LRRC47: variants seen among roughly 807,000 people sequenced by gnomAD.
The protein encoded by LRRC47 is leucine-rich repeat-containing protein 47.
A neutral mutation model predicts 40.9 loss-of-function variants in LRRC47; 31 were observed. The observed-to-expected ratio is 0.76, with a 90% CI of 0.57 to 1.02. The LOEUF (loss-of-function observed/expected upper bound fraction) is 1.02. LRRC47 is among the 50% of genes least tolerant of loss of function. LRRC47 has a pLI of 0.00. For missense variants in LRRC47, 726 were observed against 796.1 expected (o/e 0.91, Z 1.06); for synonymous variants, 427 against 371.9 (o/e 1.15, Z -1.70).
At chr1:3,786,405 C>T (rs973489894) in intron 2 of LRRC47, among the ~76,000 whole-genome samples, 4 of 152,044 alleles carry the variant, frequency 2.6e-5, no homozygotes, top group Non-Finnish European at 5.9e-5. Flanking sequence ...CAGGCTGAGG[C>T]AGGAGAATCA....
chr1:3,791,861 A>C (rs1570741091), intron 1 of LRRC47, among the ~76,000 whole-genome samples: 1 of 151,376 alleles, frequency 6.6e-6, no homozygotes, highest in Non-Finnish European at 1.5e-5. Context: ...TTAAGCGTTC[A>C]CCCCACCTCA....
rs778937739 is a variant in LRRC47 at position 3,781,329 on chromosome 1, G to A, written c.1511C>T (p.Ala504Val). 1.2e-6 allele frequency: 2 copies of A among 1,611,326 alleles called. No individual in the cohort carries two copies. The highest frequency in any genetic ancestry group is 1.7e-6 in the Non-Finnish European group (2 of 1,177,938). Residue 504 changes from alanine to valine, a missense_variant, in exon 7 of 7, where the codon GCA becomes GTA. Coordinates refer to ENST00000378251, the MANE Select transcript of LRRC47 (RefSeq NM_020710.3). ...TTCTAAAGTGTACTTTTTCATTTCT[G>A]CCATTTTCTGCAAATAAAAAATACC... ...DVMDALILKM[A>V]EMKKYTLENK... is the part of the protein sequence containing the mutation.
chr1:3,782,583 C>A, intron 5 of LRRC47, 78 bp downstream of exon 5: 1 of 889,666 alleles, frequency 1.1e-6, no homozygotes, highest in Non-Finnish European at 1.9e-6. Flanking sequence ...TGTTGAGCCA[C>A]CACGCCCCGC....
At chr1:3,782,925 G>A (rs914857906) in intron 4 of LRRC47, 162 bp from the exon 5 acceptor site, 8 of 611,774 alleles carry the variant, frequency 1.3e-5, no homozygotes, top group African/African-American at 3.7e-5. Context: ...GAGTGTCTAC[G>A]CTAAGTCTGT....
In LRRC47 at chr1:3,796,188, G is replaced by A; in HGVS notation, c.289C>T (p.Pro97Ser). 7.0e-7 allele frequency: 1 copy of A among 1,437,052 alleles called. No homozygotes were observed. Among genetic ancestry groups the A allele is most frequent in the Admixed American group, 2.8e-5 (1 of 35,628 alleles). 89.0% of individuals were successfully genotyped at this position (1,437,052 alleles called of 1,614,324 possible). A position where few individuals can be genotyped will look rare whatever the true frequency, so the allele number is the denominator to read the frequency against. Residue 97 changes from proline to serine, a missense_variant, in exon 1 of 7, where the codon CCG becomes TCG. Physicochemically the swap from Pro to Ser is moderately conservative, Grantham distance 74. Transcript: ENST00000378251. ...LGPGLSPELG[P>S]LPALRVLDLS... ...TCGAGCACCCGAAGGGCAGGCAGCG[G>A]CCCGAGCTCGGGGCTCAGGCCGGGC... is the stretch of plus-strand genomic sequence containing the variant.
chr1:3,792,944 C>T (rs1453751399), intron 1 of LRRC47, among the ~76,000 whole-genome samples: 2 of 152,178 alleles, frequency 1.3e-5, no homozygotes, highest in African/African-American at 4.8e-5. Context: ...AACATCACAC[C>T]TTAGTCCTAG....
chr1:3,785,314 G>A, intron 2 of LRRC47, 111 bp from the exon 3 acceptor site: 2 of 695,906 alleles, frequency 2.9e-6, no homozygotes, highest in South Asian at 2.6e-5. Flanking sequence ...CCCGGTCCAA[G>A]GTCTTCACAA....
At chr1:3,784,213 G>T in intron 3 of LRRC47, 102 bp from the exon 4 acceptor site, 1 of 929,728 alleles carries the variant, frequency 1.1e-6, no homozygotes, top group Non-Finnish European at 1.7e-6. Context: ...CCCGACTCCC[G>T]CCCTCATTCA....
rs1473469160 is a variant in LRRC47 at position 3,796,450 on chromosome 1, AGACTCT to A, written c.21_26del (p.Glu8_Ser9del). 1 of 1,519,952 alleles carries A rather than the reference AGACTCT, an allele frequency of 6.6e-7. No individual in the cohort carries two copies. Among genetic ancestry groups the A allele is most frequent in the Non-Finnish European group, 8.8e-7 (1 of 1,142,196 alleles). 94.2% of individuals were successfully genotyped at this position (1,519,952 alleles called of 1,614,324 possible). A position where few individuals can be genotyped will look rare whatever the true frequency, so the allele number is the denominator to read the frequency against. On this transcript the variant is annotated inframe_deletion, in exon 1 of 7. Coordinates refer to ENST00000378251, the MANE Select transcript of LRRC47 (RefSeq NM_020710.3). Reference sequence around the variant, plus strand: ...GCTCAGCCAGCTCCAGCTCCGGCCAAGACTCTGACACCGCTGCCGCCGCCATGGCGC... The same window carrying A: ...GCTCAGCCAGCTCCAGCTCCGGCCAAGACACCGCTGCCGCCGCCATGGCGC...
intron 5 of LRRC47, among the ~76,000 whole-genome samples, chr1:3,782,073 G>A (rs55848151): frequency 0.1 from 15,421 of 152,218 alleles, 906 homozygotes; most frequent in African/African-American, 0.14. Context: ...GGGCCGTCAC[G>A]CAGCACCGAG....
rs751706701 is a variant in LRRC47 at position 3,786,974 on chromosome 1, G to C, written c.952C>G (p.Pro318Ala). ...LLRVLHVSEN[P>A]VPLTVRVSPE... ...CTCACTCTGACTGTCAGAGGTACGG[G>C]GTTTTCAGAGACGTGCAGGACCCTG... Residue 318 changes from proline to alanine, a missense_variant, in exon 2 of 7, where the codon CCC becomes GCC. Pro to Ala is a conservative substitution (Grantham distance 27). Transcript: ENST00000378251. 18 of 1,611,288 alleles carry C rather than the reference G, an allele frequency of 1.1e-5. No individual in the cohort carries two copies. In the East Asian group the frequency reaches 3.8e-4, roughly 34 times the overall value.
chr1:3,784,559 T>C (rs1230156300), intron 3 of LRRC47, among the ~76,000 whole-genome samples: 1 of 132,086 alleles, frequency 7.6e-6, no homozygotes, highest in African/African-American at 3.3e-5. Context: ...TAAAAGGTAG[T>C]GAGCGAGTGA....
chr1:3,782,346 G>A (rs1643528562), intron 5 of LRRC47, among the ~76,000 whole-genome samples: 4 of 152,070 alleles, frequency 2.6e-5, no homozygotes, highest in African/African-American at 4.8e-5. Context: ...AGCCTCCTGA[G>A]TAGCTGAGAC....
intron 1 of LRRC47, among the ~76,000 whole-genome samples, chr1:3,790,252 CCT>C (rs149570540): frequency 0.16 from 25,076 of 152,182 alleles, 2,788 homozygotes; most frequent in Non-Finnish European, 0.24. Flanking sequence ...AGCGCCAGCC[CCT>C]GAGTGAGCCC....
intron 1 of LRRC47, among the ~76,000 whole-genome samples, chr1:3,789,817 G>T (rs1025818729): frequency 1.3e-5 from 2 of 152,234 alleles, no homozygotes; most frequent in African/African-American, 4.8e-5. Flanking sequence ...GTCGCACGCT[G>T]GCCCCTCAGG....
intron 1 of LRRC47, among the ~76,000 whole-genome samples, chr1:3,794,575 A>G (rs1414237201): frequency 2.0e-5 from 3 of 151,994 alleles, no homozygotes; most frequent in Non-Finnish European, 4.4e-5. Flanking sequence ...TGTGACCTCA[A>G]GCGATCTGCC....
chr1:3,788,096 G>T (rs1002942303), intron 1 of LRRC47, among the ~76,000 whole-genome samples: 1 of 152,260 alleles, frequency 6.6e-6, no homozygotes, highest in African/African-American at 2.4e-5. Context: ...CTCTTAGGAT[G>T]TCTTTCCCAG....
At chr1:3,793,604 C>T (rs1022702328) in intron 1 of LRRC47, among the ~76,000 whole-genome samples, 1 of 152,128 alleles carries the variant, frequency 6.6e-6, no homozygotes, top group African/African-American at 2.4e-5. Flanking sequence ...ACAAGATATG[C>T]GACTTCCCCA....
At position 3,785,128 on chromosome 1, in the gene LRRC47, C is replaced by T; in HGVS notation, c.1153G>A (p.Gly385Arg). 1 of 1,601,018 alleles carries T rather than the reference C, an allele frequency of 6.2e-7. No individual in the cohort carries two copies. Residue 385 changes from glycine to arginine, a missense_variant, in exon 3 of 7, where the codon GGG becomes AGG. Gly to Arg is a moderately radical substitution (Grantham distance 125). Transcript: ENST00000378251. The part of the protein sequence containing the change: ...LATHELRAVK[G>R]PLLYCARPPQ... ...GGCCGGGCGCAGTACAGCAGGGGCC[C>T]TTTGACGGCACGGAGCTCGTGGGTG...
Sources: allele counts gnomAD v4.1 joint callset (sites outside exome capture counted in the v4.1 genomes callset), GRCh38; gene constraint gnomAD v4.1.1; transcripts MANE v1.5; gene names NCBI Gene and HGNC (gene_info 2026-07-23, HGNC 2026-07-21).